The following SHB variants were observed in gnomAD, a reference collection of about 807,000 sequenced individuals.
The protein encoded by SHB is SH2 domain-containing adapter protein B.
SHB carries 20 observed loss-of-function variants against 52.3 expected under a neutral mutation model. The observed-to-expected ratio is 0.38, with a 90% CI of 0.27 to 0.56. The LOEUF (loss-of-function observed/expected upper bound fraction) is 0.56. Ranked by LOEUF, SHB falls within the 20% of genes least tolerant of loss-of-function variation. SHB has a pLI of 0.71. For synonymous variants in SHB, 397 were observed against 316.5 expected (o/e 1.25, Z -2.70); for missense variants, 825 against 723.3 (o/e 1.14, Z -1.61).
intron 5 of SHB, among the ~76,000 whole-genome samples, chr9:37,937,274 G>A (rs1220189030): frequency 1.3e-5 from 2 of 152,178 alleles, no homozygotes; most frequent in Non-Finnish European, 2.9e-5. Context: ...GAAAGCCTGT[G>A]CTTAAAACGT....
intron 1 of SHB, among the ~76,000 whole-genome samples, chr9:38,064,294 C>G (rs537878878): frequency 6.6e-6 from 1 of 152,262 alleles, no homozygotes; most frequent in East Asian, 1.9e-4. Flanking sequence ...GAGTACATCC[C>G]TTCCCTGGCT....
chr9:37,929,084 A>G (rs1358932303), intron 5 of SHB, among the ~76,000 whole-genome samples: 1 of 152,252 alleles, frequency 6.6e-6, no homozygotes, highest in Non-Finnish European at 1.5e-5. Flanking sequence ...TGCTGTACGC[A>G]GCCCAGGCTC....
At chr9:38,003,034 C>A (rs1821037929) in intron 2 of SHB, among the ~76,000 whole-genome samples, 1 of 152,204 alleles carries the variant, frequency 6.6e-6, no homozygotes, top group African/African-American at 2.4e-5. Flanking sequence ...TAGGGGTAAA[C>A]AGGCTGGGCT....
chr9:38,039,049 C>T (rs886552939), intron 1 of SHB, among the ~76,000 whole-genome samples: 7 of 152,270 alleles, frequency 4.6e-5, no homozygotes, highest in African/African-American at 1.4e-4. Flanking sequence ...GCAGGGCTGG[C>T]GGGCGGGCGT....
At chr9:38,057,944 G>A (rs1047563713) in intron 1 of SHB, among the ~76,000 whole-genome samples, 2 of 152,186 alleles carry the variant, frequency 1.3e-5, no homozygotes, top group African/African-American at 2.4e-5. Context: ...TGTCTCCACC[G>A]CCCTGTGGTG....
chr9:37,998,320 G>T (rs1475177376), intron 2 of SHB, among the ~76,000 whole-genome samples: 3 of 152,112 alleles, frequency 2.0e-5, no homozygotes, highest in Admixed American at 2.0e-4. Flanking sequence ...TCCATAAACG[G>T]TAAACTTCCC....
intron 4 of SHB, among the ~76,000 whole-genome samples, chr9:37,952,751 G>A (rs1193216238): frequency 6.6e-6 from 1 of 150,668 alleles, no homozygotes; most frequent in Non-Finnish European, 1.5e-5. Context: ...ACGGGTTTGT[G>A]GCTTGAACCA....
intron 2 of SHB, among the ~76,000 whole-genome samples, chr9:38,007,512 C>A (rs1399515668): frequency 3.3e-5 from 5 of 152,350 alleles, no homozygotes; most frequent in South Asian, 2.1e-4. Context: ...TCCCTGCCCA[C>A]CTAGCAAGTG....
intron 2 of SHB, among the ~76,000 whole-genome samples, chr9:38,012,751 A>T (rs1416638473): frequency 6.6e-6 from 1 of 151,322 alleles, no homozygotes; most frequent in Non-Finnish European, 1.5e-5. Context: ...CACGGAGGGC[A>T]CAGCCTTCTT....
intron 5 of SHB, among the ~76,000 whole-genome samples, chr9:37,931,062 A>G (rs1461437330): frequency 6.6e-6 from 1 of 152,202 alleles, no homozygotes; most frequent in Admixed American, 6.5e-5. Flanking sequence ...AGATTTCCAC[A>G]TGCAAAAGAA....
chr9:37,973,976 C>T (rs774559752), intron 3 of SHB, among the ~76,000 whole-genome samples: 9 of 152,160 alleles, frequency 5.9e-5, no homozygotes, highest in Non-Finnish European at 1.2e-4. Context: ...GAAATCAGGC[C>T]GGGTGTGGTG....
chr9:38,038,926 G>C (rs1012853927), intron 1 of SHB, among the ~76,000 whole-genome samples: 1 of 152,224 alleles, frequency 6.6e-6, no homozygotes, highest in Admixed American at 6.5e-5. Context: ...GGCAGGAATG[G>C]AGCGGGTGGG....
At chr9:38,057,032 A>T (rs1030679981) in intron 1 of SHB, among the ~76,000 whole-genome samples, 1 of 152,246 alleles carries the variant, frequency 6.6e-6, no homozygotes, top group African/African-American at 2.4e-5. Flanking sequence ...CACAATTTGA[A>T]AGTATGTATC....
At chr9:37,940,725 T>C (rs1587201859) in intron 5 of SHB, among the ~76,000 whole-genome samples, 2 of 152,216 alleles carry the variant, frequency 1.3e-5, no homozygotes, top group Admixed American at 1.3e-4. Flanking sequence ...GTTCAAGATA[T>C]TGGACCAGAA....
At chr9:38,024,859 G>C (rs1821321660) in intron 1 of SHB, among the ~76,000 whole-genome samples, 1 of 152,200 alleles carries the variant, frequency 6.6e-6, no homozygotes, top group African/African-American at 2.4e-5. Context: ...CTGGGGGATG[G>C]TCTATTCTGC....
chr9:38,037,643 A>C (rs1171053924), intron 1 of SHB, among the ~76,000 whole-genome samples: 2 of 152,162 alleles, frequency 1.3e-5, no homozygotes, highest in Non-Finnish European at 2.9e-5. Flanking sequence ...GAGGGGCTCA[A>C]CTGTGTGTCA....
chr9:37,916,935 T>A lies in SHB; in HGVS notation c.*2886A>T, dbSNP rs901347860. ...AGAAACAGCCGCTAGTGCTGGAGGT[T>A]CTCAGACAAAATGCCGAGGGCGCGA... On this transcript the variant is annotated 3_prime_UTR_variant, in exon 6 of 6. Coordinates refer to ENST00000377707, the MANE Select transcript of SHB (RefSeq NM_003028.3). 6.6e-6 allele frequency among the ~76,000 whole-genome samples: 1 copy of A among 152,030 alleles called. No homozygotes were observed. Among genetic ancestry groups the A allele is most frequent in the Non-Finnish European group, 1.5e-5 (1 of 68,020 alleles).
rs372004768 is a variant in SHB at position 38,055,099 on chromosome 9, T to C, written c.717+12830A>G. Among the ~76,000 whole-genome samples the C allele has an allele frequency of 9.8e-5, 15 of 152,334 alleles. 1 individual carries two copies. In the East Asian group the frequency reaches 1.2e-3, roughly 12 times the overall value. On this transcript the variant is annotated intron_variant, in intron 1 of 5. Coordinates refer to ENST00000377707, the MANE Select transcript of SHB (RefSeq NM_003028.3). Reference sequence around the variant, plus strand: ...GCCTAGGAAACTGAAATTTGTAAAATGCTATGCAGGTAATTTTACTGTGCT... The same window carrying C: ...GCCTAGGAAACTGAAATTTGTAAAACGCTATGCAGGTAATTTTACTGTGCT...
intron 1 of SHB, among the ~76,000 whole-genome samples, chr9:38,016,949 C>G (rs1821221655): frequency 6.6e-6 from 1 of 152,240 alleles, no homozygotes; most frequent in Non-Finnish European, 1.5e-5. Flanking sequence ...AAGAGTGAGT[C>G]ACCTGGGGGT....
Sources: gnomAD v4.1 joint callset for allele counts (sites outside exome capture counted in the v4.1 genomes callset) on GRCh38, gnomAD v4.1.1 for gene constraint, MANE v1.5 for transcripts, NCBI Gene and HGNC (gene_info 2026-07-23, HGNC 2026-07-21) for gene names.